The following KCNRG variants were observed in gnomAD, a reference collection of about 807,000 sequenced individuals.
The protein encoded by KCNRG is potassium channel regulator, also known as potassium channel regulatory protein.
Under a neutral mutation model 17.7 loss-of-function variants are expected in KCNRG, and 17 were observed. That is an observed-to-expected ratio of 0.96 (90% confidence interval 0.66 to 1.44). The LOEUF is 1.44. Ranked by LOEUF, KCNRG falls within the 40% of genes most tolerant of loss-of-function variation. The probability of loss-of-function intolerance (pLI) is 0.00; values close to 1 mark genes in which losing one functional copy is unlikely to be tolerated. For missense variants in KCNRG, 311 were observed against 321.1 expected, an observed-to-expected ratio of 0.97 and a Z score of 0.24; for synonymous variants, 97 against 116.5, an observed-to-expected ratio of 0.83 and a Z score of 1.08.
At position 50,020,341 on chromosome 13, in the gene KCNRG, A is replaced by G. The variant is rs1198294622; in HGVS notation, c.706A>G (p.Lys236Glu). 48 of 1,614,058 alleles carry G rather than the reference A, an allele frequency of 3.0e-5. No homozygotes were observed. Among genetic ancestry groups the G allele is most frequent in the Admixed American group, 1.2e-4 (7 of 60,008 alleles). ...VSTRTVSSEDKTECYSFERIK... is the reference protein window; with the variant it reads ...VSTRTVSSEDETECYSFERIK... Reference sequence around the variant, plus strand: ...CACTAGAACAGTATCTTCTGAAGACAAAACTGAATGCTATAGCTTTGAAAG... The same window carrying G: ...CACTAGAACAGTATCTTCTGAAGACGAAACTGAATGCTATAGCTTTGAAAG... The change falls in exon 2 of 2, where the codon AAA becomes GAA. Residue 236 changes from lysine to glutamate, a missense_variant. Transcript: ENST00000312942.
Position 50,020,543 on chromosome 13 carries a change from G to C in KCNRG, c.*89G>C, listed in dbSNP as rs116690099. ...TACATGTTAGCCAAATCTACACTCA[G>C]CCTAACTCTTGGCTTCATCTGCTGC... On this transcript the variant is annotated 3_prime_UTR_variant, in exon 2 of 2. Coordinates refer to ENST00000312942, the MANE Select transcript of KCNRG (RefSeq NM_173605.2). The C allele has an allele frequency of 1.2e-3, 1,743 of 1,394,828 alleles. 15 individuals are homozygous for C. The African/African-American group carries it at 0.022, about 17-fold the overall frequency. The allele number at this position is 1,394,828 out of a possible 1,614,324, so 86.4% of individuals were successfully genotyped here.
rs2138445975 is a variant in KCNRG at position 50,016,030 on chromosome 13, G to T, written c.537G>T (p.Gln179His). 6.2e-7 allele frequency: 1 copy of T among 1,614,080 alleles called. No homozygotes were observed. Among genetic ancestry groups the T allele is most frequent in the Non-Finnish European group, 8.5e-7 (1 of 1,179,958 alleles). Residue 179 changes from glutamine (Q) to histidine (H), a missense_variant, in exon 1 of 2, where the codon CAG (glutamine) becomes CAT (histidine). By Grantham distance (24) the Gln-to-His change is conservative. Transcript: ENST00000312942. ...QRPSYHDLVF[Q>H]CGSDSTTDNQ... is the part of the protein sequence containing the mutation. ...CTTCTTACCATGACCTGGTTTTCCA[G>T]TGTGGTTCTGACAGCACTACTGATA...
At chr13:50,017,954 G>A (rs1277530262) in intron 1 of KCNRG, 1 of 166,930 alleles carries the variant, frequency 6.0e-6, no homozygotes, top group Non-Finnish European at 1.5e-5. Context: ...TAACCTAGCA[G>A]GTTGCTCAGT....
chr13:50,015,741 A>G lies in KCNRG; in HGVS notation c.248A>G (p.Gln83Arg). 1 of 1,614,116 alleles carries G rather than the reference A, an allele frequency of 6.2e-7. No individual in the cohort carries two copies. Among genetic ancestry groups the G allele is most frequent in the African/African-American group, 1.3e-5 (1 of 75,044 alleles). ...PTEFSDYLRL[Q>R]REALFYELRS... ...GAATTTTCAGACTATCTTAGGCTTC[A>G]GAGAGAGGCTCTTTTCTATGAACTT... The change falls in exon 1 of 2, where the codon CAG becomes CGG. Residue 83 changes from glutamine (Q) to arginine (R), a missense_variant. Physicochemically the swap from Gln to Arg is conservative, Grantham distance 43. Transcript: ENST00000312942.
chr13:50,020,124 C>A, intron 1 of KCNRG, 90 bp from the exon 2 acceptor site: 1 of 1,187,442 alleles, frequency 8.4e-7, no homozygotes, highest in Non-Finnish European at 1.2e-6. Flanking sequence ...AGGTATGATG[C>A]CTTTGAGGTT....
rs1312186104 is a variant in KCNRG at position 50,015,795 on chromosome 13, A to G, written c.302A>G (p.Tyr101Cys). 6.2e-7 allele frequency: 1 copy of G among 1,613,994 alleles called. No homozygotes were observed. Among genetic ancestry groups the G allele is most frequent in the African/African-American group, 1.3e-5 (1 of 74,910 alleles). Reference protein sequence around the residue: ...LRSLVDLLNPYLLQPRPALVE... With the variant: ...LRSLVDLLNPCLLQPRPALVE... ...TCTCTAGTTGATCTCTTAAACCCAT[A>G]CCTGCTACAGCCAAGACCTGCTCTT... Residue 101 changes from tyrosine (Y) to cysteine (C), a missense_variant, in exon 1 of 2, where the codon TAC becomes TGC. Transcript: ENST00000312942.
intron 1 of KCNRG, among the ~76,000 whole-genome samples, chr13:50,019,129 C>T (rs999973566): frequency 1.4e-5 from 2 of 139,966 alleles, no homozygotes; most frequent in Admixed American, 7.9e-5. Flanking sequence ...AGTTCATGTG[C>T]ATTTTTTTCT....
At chr13:50,018,682 T>C (rs1374339425) in intron 1 of KCNRG, 1 of 152,442 alleles carries the variant, frequency 6.6e-6, no homozygotes, top group Non-Finnish European at 1.5e-5. Flanking sequence ...TCTCATAAAC[T>C]AATGGTGGGA....
intron 1 of KCNRG, 115 bp downstream of exon 1, chr13:50,016,186 T>A: frequency 1.3e-6 from 1 of 776,174 alleles, no homozygotes; most frequent in Non-Finnish European, 2.1e-6. Flanking sequence ...AAAATAATGT[T>A]TTGGGGTAAC....
In KCNRG at chr13:50,020,851, AC is replaced by A. The variant is rs1877120917; in HGVS notation, c.*398del. 6.1e-6 allele frequency: 1 copy of A among 164,520 alleles called. No homozygotes were observed. The highest frequency in any genetic ancestry group is 1.6e-4 in the South Asian group (1 of 6,090). 10.2% of individuals were successfully genotyped at this position (164,520 alleles called of 1,614,324 possible). ...CCTTCTATGCATGCAACAAAATGCC[AC>A]GTGTACCCCATAAATATGTAGAAAT... On this transcript the variant is annotated 3_prime_UTR_variant, in exon 2 of 2. Transcript: ENST00000312942.
Position 50,015,837 on chromosome 13 carries a change from TAAGCC to T in KCNRG, c.345_349del (p.Ser116GlufsTer17). The T allele has an allele frequency of 4.3e-6, 7 of 1,614,168 alleles. No individual in the cohort carries two copies. The highest frequency in any genetic ancestry group is 5.9e-6 in the Non-Finnish European group (7 of 1,179,982). On this transcript the variant is annotated frameshift_variant, in exon 1 of 2. Coordinates refer to ENST00000312942, the MANE Select transcript of KCNRG (RefSeq NM_173605.2). LOFTEE classifies it high-confidence loss of function. ...CCTGCTCTTGTGGAGGTACATTTCC[TAAGCC>T]GGAACACTCAAGCTTTTTTCAGGGT...
intron 1 of KCNRG, chr13:50,016,277 G>A (rs1876558363): frequency 9.8e-6 from 5 of 509,640 alleles, no homozygotes; most frequent in Non-Finnish European, 1.8e-5. Flanking sequence ...ATTATTAGGT[G>A]GGACAAAAGG....
Position 50,020,463 on chromosome 13 carries a change from A to G in KCNRG, c.*9A>G. ...CTCAGATAAAGAAATGAAGTTGTCT[A>G]TCCTCTTTTAAAGAGAAATTGCCAT... On this transcript the variant is annotated 3_prime_UTR_variant, in exon 2 of 2. Coordinates refer to ENST00000312942, the MANE Select transcript of KCNRG (RefSeq NM_173605.2). 1 of 1,609,362 alleles carries G rather than the reference A, an allele frequency of 6.2e-7. No individual in the cohort carries two copies. The highest frequency in any genetic ancestry group is 8.5e-7 in the Non-Finnish European group (1 of 1,178,330).
At position 50,020,353 on chromosome 13, in the gene KCNRG, T is replaced by C. The variant is rs1443010129; in HGVS notation, c.718T>C (p.Tyr240His). 7 of 1,614,118 alleles carry C rather than the reference T, an allele frequency of 4.3e-6. No individual in the cohort carries two copies. In the South Asian group the frequency reaches 7.7e-5, roughly 18 times the overall value. Residue 240 changes from tyrosine to histidine, a missense_variant, in exon 2 of 2, where the codon TAT becomes CAT. By Grantham distance (83) the Tyr-to-His change is moderately conservative. Transcript: ENST00000312942. The part of the protein sequence containing the change: ...TVSSEDKTEC[Y>H]SFERIKSPEV... ...ATCTTCTGAAGACAAAACTGAATGC[T>C]ATAGCTTTGAAAGGATAAAAAGCCC...
rs781775044 is a variant in KCNRG, at chr13:50,015,972, A to G, written c.479A>G (p.Gln160Arg). Residue 160 changes from glutamine (Q) to arginine (R), a missense_variant, in exon 1 of 2, where the codon CAG (glutamine) becomes CGG (arginine). Physicochemically the swap from Gln to Arg is conservative, Grantham distance 43. Coordinates refer to ENST00000312942, the MANE Select transcript of KCNRG (RefSeq NM_173605.2). Reference sequence around the variant, plus strand: ...TGGAATGGTAACTTTTTCCCTCCTCAGATGACCTTACTTCCACTGCCTCCA... The same window carrying G: ...TGGAATGGTAACTTTTTCCCTCCTCGGATGACCTTACTTCCACTGCCTCCA... ...PTWNGNFFPP[Q>R]MTLLPLPPQR... 6.2e-7 allele frequency: 1 copy of G among 1,614,126 alleles called. No individual in the cohort carries two copies. Among genetic ancestry groups the G allele is most frequent in the East Asian group, 2.2e-5 (1 of 44,884 alleles).
chr13:50,017,427 C>T, intron 1 of KCNRG: 1 of 167,124 alleles, frequency 6.0e-6, no homozygotes. Flanking sequence ...CTGGGATGTT[C>T]CTGTGTGTAC....
rs1566449429 is a variant in KCNRG, at chr13:50,015,913, T to C, written c.420T>C (p.Ile140=). 2 of 1,614,144 alleles carry C rather than the reference T, an allele frequency of 1.2e-6. No homozygotes were observed. The highest frequency in any genetic ancestry group is 1.7e-6 in the Non-Finnish European group (2 of 1,179,998). The change falls in exon 1 of 2, where the codon ATT becomes ATC. Residue 140 remains isoleucine, a synonymous_variant. Transcript: ENST00000312942. ...SKTIEMLTGR[I]TVFTEQPSAP... Reference sequence around the variant, plus strand: ...CAATTGAGATGCTAACAGGGAGGATTACAGTGTTTACAGAACAACCTTCAG... The same window carrying C: ...CAATTGAGATGCTAACAGGGAGGATCACAGTGTTTACAGAACAACCTTCAG...
In KCNRG at chr13:50,015,991, G is replaced by T. The variant is rs1378519974; in HGVS notation, c.498G>T (p.Leu166=). The part of the protein sequence containing the change: ...FFPPQMTLLP[L]PPQRPSYHDL... ...CTCCTCAGATGACCTTACTTCCACT[G>T]CCTCCACAAAGACCTTCTTACCATG... is the stretch of plus-strand genomic sequence containing the variant. Residue 166 remains leucine, a synonymous_variant, in exon 1 of 2, where the codon CTG becomes CTT. Transcript: ENST00000312942. 1 of 1,614,070 alleles carries T rather than the reference G, an allele frequency of 6.2e-7. No homozygotes were observed. Among genetic ancestry groups the T allele is most frequent in the East Asian group, 2.2e-5 (1 of 44,876 alleles).
At position 50,020,394 on chromosome 13, in the gene KCNRG, G is replaced by A. The variant is rs140958590; in HGVS notation, c.759G>A (p.Thr253=). 24 of 1,613,812 alleles carry A rather than the reference G, an allele frequency of 1.5e-5. 1 individual carries two copies. The highest frequency in any genetic ancestry group is 8.9e-5 in the East Asian group (4 of 44,878). ...ERIKSPEVLI[T]NETPKPETII... is the part of the protein sequence containing the mutation. ...TAAAAAGCCCTGAAGTGCTCATCAC[G>A]AATGAAACACCAAAACCAGAGACTA... Residue 253 remains threonine (T), a synonymous_variant, in exon 2 of 2, where the codon ACG becomes ACA. Transcript: ENST00000312942.
Sources: allele counts gnomAD v4.1 joint callset (sites outside exome capture counted in the v4.1 genomes callset), GRCh38; gene constraint gnomAD v4.1.1; transcripts MANE v1.5; gene names NCBI Gene and HGNC (gene_info 2026-07-23, HGNC 2026-07-21).